The following FRAS1 variants were observed in gnomAD, a reference collection of about 807,000 sequenced individuals.
FRAS1 encodes extracellular matrix organizing protein FRAS1.
FRAS1 carries 290 observed loss-of-function variants against 435.2 expected under a neutral mutation model. The ratio of observed to expected loss-of-function variants is 0.67; its 90% CI spans 0.61 to 0.73. The LOEUF is 0.73. Ranked by LOEUF, FRAS1 falls within the 30% of genes least tolerant of loss-of-function variation. The pLI is 0.00. For missense variants in FRAS1, 4,860 were observed against 5,001.5 expected (o/e 0.97, Z 0.85); for synonymous variants, 1,800 against 1,851.0 (o/e 0.97, Z 0.71).
At chr4:78,495,699 A>G (rs981651899) in intron 59 of FRAS1, among the ~76,000 whole-genome samples, 1 of 152,188 alleles carries the variant, frequency 6.6e-6, no homozygotes, top group Non-Finnish European at 1.5e-5. Flanking sequence ...AATACAGTCT[A>G]GTAGTCTGTG....
At chr4:78,433,808 T>A (rs1053183165) in intron 38 of FRAS1, among the ~76,000 whole-genome samples, 7 of 152,244 alleles carry the variant, frequency 4.6e-5, no homozygotes, top group African/African-American at 1.4e-4. Context: ...TGAAAAATGT[T>A]TCACAGTCCA....
intron 13 of FRAS1, 80 bp downstream of exon 13, chr4:78,284,628 G>T (rs1727494804): frequency 1.5e-6 from 2 of 1,328,094 alleles, no homozygotes; most frequent in Non-Finnish European, 2.1e-6. Context: ...TTAAACTGAG[G>T]CTCAGTATTG....
chr4:78,407,653 G>A lies in FRAS1; in HGVS notation c.4130-10G>A, dbSNP rs1733152178. On this transcript the variant is annotated splice_polypyrimidine_tract_variant and intron_variant, in intron 30 of 73. Coordinates refer to ENST00000512123, the MANE Select transcript of FRAS1 (RefSeq NM_025074.7). The stretch of plus-strand genomic sequence containing the variant: ...GACCCTCACTAACTATGTGGCCTGT[G>A]CCTTCCTAGGGGAGGTGGTCCTTCT... 3 of 1,607,448 alleles carry A rather than the reference G, an allele frequency of 1.9e-6. No individual in the cohort carries two copies. Among genetic ancestry groups the A allele is most frequent in the Non-Finnish European group, 2.5e-6 (3 of 1,177,110 alleles).
chr4:78,371,083 G>GGTT (rs1456015210), intron 23 of FRAS1, among the ~76,000 whole-genome samples: 4,307 of 126,800 alleles, frequency 0.034, 287 homozygotes, highest in African/African-American at 0.12. Context: ...TTTTTTTTCT[G>GGTT]TTTTTTTGTT....
intron 2 of FRAS1, among the ~76,000 whole-genome samples, chr4:78,087,073 A>G (rs1031664780): frequency 5.3e-5 from 8 of 152,232 alleles, no homozygotes; most frequent in South Asian, 2.1e-4. Flanking sequence ...AAGCCTATCC[A>G]CCATGATCAA....
At chr4:78,299,633 CTT>C (rs1560636123) in intron 14 of FRAS1, among the ~76,000 whole-genome samples, 1 of 152,194 alleles carries the variant, frequency 6.6e-6, no homozygotes, top group African/African-American at 2.4e-5. Flanking sequence ...CTACAGATGT[CTT>C]GAGTTACTTT....
chr4:78,213,430 C>T (rs968071175), intron 2 of FRAS1, among the ~76,000 whole-genome samples: 2 of 152,260 alleles, frequency 1.3e-5, no homozygotes, highest in Non-Finnish European at 2.9e-5. Flanking sequence ...CAGGTAAACA[C>T]ACTTGCAGCA....
intron 2 of FRAS1, among the ~76,000 whole-genome samples, chr4:78,152,533 AG>A (rs1338788926): frequency 1.3e-5 from 2 of 150,086 alleles, no homozygotes; most frequent in African/African-American, 4.9e-5. Flanking sequence ...CCCCAACTAG[AG>A]GCAAACATTT....
At chr4:78,094,029 C>T (rs955203787) in intron 2 of FRAS1, among the ~76,000 whole-genome samples, 4 of 151,610 alleles carry the variant, frequency 2.6e-5, no homozygotes, top group Non-Finnish European at 5.9e-5. Context: ...CAACAGACTA[C>T]CTGGAAATCA....
chr4:78,445,333 TAGTC>T (rs1488358834), intron 41 of FRAS1, among the ~76,000 whole-genome samples, 185 bp from the exon 42 acceptor site: 1 of 152,200 alleles, frequency 6.6e-6, no homozygotes, highest in East Asian at 1.9e-4. Context: ...AGATGAGAAA[TAGTC>T]AGTGAGGAAA....
chr4:78,526,818 C>T (rs986237162), intron 70 of FRAS1, among the ~76,000 whole-genome samples, 161 bp downstream of exon 70: 4 of 152,178 alleles, frequency 2.6e-5, no homozygotes, highest in African/African-American at 9.6e-5. Context: ...ACTTAACACA[C>T]ACATCCCCAG....
At chr4:78,484,142 A>G (rs1317095010) in intron 58 of FRAS1, among the ~76,000 whole-genome samples, 1 of 152,112 alleles carries the variant, frequency 6.6e-6, no homozygotes, top group Non-Finnish European at 1.5e-5. Context: ...AAATGGAATC[A>G]TATAATATCT....
intron 2 of FRAS1, among the ~76,000 whole-genome samples, chr4:78,169,103 G>A (rs1417059730): frequency 6.6e-6 from 1 of 152,058 alleles, no homozygotes; most frequent in Non-Finnish European, 1.5e-5. Context: ...TAAATTGCAG[G>A]CTGCCCTCTT....
intron 47 of FRAS1, among the ~76,000 whole-genome samples, chr4:78,453,911 C>A (rs2627648): frequency 1.3e-5 from 2 of 151,970 alleles, no homozygotes; most frequent in Non-Finnish European, 2.9e-5. Flanking sequence ...TTAGGTTATA[C>A]AGTCTTCATT....
intron 2 of FRAS1, among the ~76,000 whole-genome samples, chr4:78,073,180 A>G (rs1374685378): frequency 2.6e-5 from 4 of 152,184 alleles, no homozygotes. Context: ...ATTGTCCATC[A>G]TAATTAGATG....
At chr4:78,460,222 T>C (rs1719328242) in intron 47 of FRAS1, among the ~76,000 whole-genome samples, 1 of 152,214 alleles carries the variant, frequency 6.6e-6, no homozygotes, top group Admixed American at 6.5e-5. Flanking sequence ...AGAGATGCTT[T>C]ATTTCCACAC....
intron 15 of FRAS1, among the ~76,000 whole-genome samples, chr4:78,312,542 G>C (rs757488519): frequency 4.6e-5 from 7 of 151,936 alleles, no homozygotes; most frequent in Non-Finnish European, 7.4e-5. Flanking sequence ...AAACTCAACT[G>C]GGTCTGGATG....
At chr4:78,489,968 CA>C (rs61568957) in intron 59 of FRAS1, among the ~76,000 whole-genome samples, 1,701 of 92,576 alleles carry the variant, frequency 0.018, 21 homozygotes, top group African/African-American at 0.023. Context: ...TAGTGGAAAA[CA>C]AAAAAAAAAA....
chr4:78,156,543 G>C (rs1186345436), intron 2 of FRAS1, among the ~76,000 whole-genome samples: 1 of 152,026 alleles, frequency 6.6e-6, no homozygotes, highest in African/African-American at 2.4e-5. Context: ...TGCCCACCTG[G>C]TCAATGGAGG....
Sources: allele counts gnomAD v4.1 joint callset (sites outside exome capture counted in the v4.1 genomes callset), GRCh38; gene constraint gnomAD v4.1.1; transcripts MANE v1.5; gene names NCBI Gene and HGNC (gene_info 2026-07-23, HGNC 2026-07-21).